The following PDE1A variants were observed in gnomAD, a reference collection of about 807,000 sequenced individuals.
PDE1A encodes the protein dual specificity calcium/calmodulin-dependent 3',5'-cyclic nucleotide phosphodiesterase 1A.
A neutral mutation model predicts 61.7 loss-of-function variants in PDE1A; 35 were observed. The ratio of observed to expected loss-of-function variants is 0.57; its 90% confidence interval spans 0.43 to 0.75. The LOEUF (loss-of-function observed/expected upper bound fraction) is 0.75. Among genes scored for constraint, PDE1A ranks in the 30% least tolerant of loss-of-function variants. The pLI is 0.00. For missense variants in PDE1A, 597 were observed against 630.6 expected (o/e 0.95, Z 0.57); for synonymous variants, 232 against 213.2 (o/e 1.09, Z -0.77).
At chr2:182,324,494 T>A (rs1479256689) in intron 1 of PDE1A, among the ~76,000 whole-genome samples, 1 of 152,088 alleles carries the variant, frequency 6.6e-6, no homozygotes, top group African/African-American at 2.4e-5. Flanking sequence ...TATGAGAAAA[T>A]TAAAAACAGA....
intron 2 of PDE1A, among the ~76,000 whole-genome samples, chr2:182,250,751 C>T (rs1301612827): frequency 6.6e-6 from 1 of 151,956 alleles, no homozygotes; most frequent in South Asian, 2.1e-4. Context: ...CAAATCTTGG[C>T]GTAAATGAGG....
chr2:182,310,884 G>T (rs1695921776), intron 1 of PDE1A, among the ~76,000 whole-genome samples: 1 of 152,168 alleles, frequency 6.6e-6, no homozygotes, highest in Non-Finnish European at 1.5e-5. Flanking sequence ...CCAATAGAGT[G>T]CAGGCAGAAA....
the PDE1A span, among the ~76,000 whole-genome samples, chr2:182,668,253 A>T: frequency 0.64 from 97,427 of 151,832 alleles, 31,759 homozygotes; most frequent in Middle Eastern, 0.78. Flanking sequence ...TCTGAGAAGG[A>T]TGCTGGACAA....
chr2:182,674,910 C>T, the PDE1A span, among the ~76,000 whole-genome samples: 3 of 151,964 alleles, frequency 2.0e-5, no homozygotes, highest in Non-Finnish European at 4.4e-5. Context: ...ATTTAATGGG[C>T]CATTTGATTT....
chr2:182,592,480 G>C, the PDE1A span, among the ~76,000 whole-genome samples: 3 of 152,174 alleles, frequency 2.0e-5, no homozygotes, highest in East Asian at 1.9e-4. Flanking sequence ...ACTTGGTTAC[G>C]TATCTTCCCA....
chr2:182,537,062 C>G, the PDE1A span, among the ~76,000 whole-genome samples: 97,316 of 152,136 alleles, frequency 0.64, 34,569 homozygotes, highest in East Asian at 0.95. Context: ...GCCAGAACCA[C>G]TTAGTTGAAC....
intron 1 of PDE1A, among the ~76,000 whole-genome samples, chr2:182,423,148 T>C (rs1703386144): frequency 6.6e-6 from 1 of 152,192 alleles, no homozygotes; most frequent in South Asian, 2.1e-4. Context: ...ACTCCTGCCT[T>C]GGCCATAAAA....
At chr2:182,632,459 AT>A in the PDE1A span, among the ~76,000 whole-genome samples, 1,555 of 149,032 alleles carry the variant, frequency 0.01, 17 homozygotes, top group South Asian at 0.025. Flanking sequence ...ACTACTTCTC[AT>A]TTTTTTTTTC....
intron 1 of PDE1A, among the ~76,000 whole-genome samples, chr2:182,283,427 A>T (rs1248482996): frequency 4.0e-5 from 6 of 151,858 alleles, no homozygotes; most frequent in Admixed American, 3.9e-4. Context: ...ACATACACAC[A>T]CACACACACA....
downstream of PDE1A, among the ~76,000 whole-genome samples, chr2:182,164,781 A>C (rs1343338747): frequency 3.9e-5 from 6 of 152,130 alleles, no homozygotes; most frequent in Non-Finnish European, 4.4e-5. Flanking sequence ...GACTACTTCC[A>C]TCACAGAAGG....
intron 2 of PDE1A, among the ~76,000 whole-genome samples, chr2:182,462,559 G>A (rs887669883): frequency 1.3e-5 from 2 of 151,898 alleles, no homozygotes; most frequent in African/African-American, 2.4e-5. Flanking sequence ...AAGGAACAGA[G>A]CATGGGCCCT....
At chr2:182,522,368 A>G (rs1426803910) in exon 2 of PDE1A, 2 of 1,613,430 alleles carry the variant, frequency 1.2e-6, no homozygotes, top group East Asian at 4.5e-5. Context: ...CTGTGGCACT[A>G]GACCCCATGA....
Position 182,272,929 on chromosome 2 carries a change from T to C in PDE1A, c.54-8515A>G, listed in dbSNP as rs113989793. 1.1e-3 allele frequency among the ~76,000 whole-genome samples: 169 copies of C among 152,252 alleles called. 1 individual carries two copies. Among genetic ancestry groups the C allele is most frequent in the African/African-American group, 4.0e-3 (165 of 41,574 alleles). The stretch of plus-strand genomic sequence containing the variant: ...AAAGTCATATTACTATAAACACTAG[T>C]AATTTTAAAACAAAATAAGGCACAA... On this transcript the variant is annotated intron_variant, in intron 1 of 13. Coordinates refer to ENST00000351439, the Ensembl canonical transcript of PDE1A.
chr2:182,163,614 G>C (rs541891897), downstream of PDE1A, among the ~76,000 whole-genome samples: 1 of 152,138 alleles, frequency 6.6e-6, no homozygotes, highest in Non-Finnish European at 1.5e-5. Flanking sequence ...GGCCTGTGGA[G>C]ATAACCCTTC....
chr2:182,490,186 CT>C (rs1467062074), intron 2 of PDE1A, among the ~76,000 whole-genome samples: 1 of 152,104 alleles, frequency 6.6e-6, no homozygotes, highest in Non-Finnish European at 1.5e-5. Flanking sequence ...CCATCAATGA[CT>C]TTTAACAACA....
the PDE1A span, among the ~76,000 whole-genome samples, chr2:182,600,041 T>C: frequency 6.6e-6 from 1 of 152,156 alleles, no homozygotes; most frequent in African/African-American, 2.4e-5. Context: ...GAAAAATAAA[T>C]CCTTAAGTAA....
At chr2:182,486,381 T>C (rs550223713) in intron 2 of PDE1A, among the ~76,000 whole-genome samples, 12 of 152,038 alleles carry the variant, frequency 7.9e-5, no homozygotes, top group Non-Finnish European at 1.2e-4. Flanking sequence ...CAAGAATTGA[T>C]CTACAGAAAC....
the PDE1A span, among the ~76,000 whole-genome samples, chr2:182,663,903 T>A: frequency 6.6e-6 from 1 of 152,036 alleles, no homozygotes; most frequent in Non-Finnish European, 1.5e-5. Flanking sequence ...AATTTAAAAT[T>A]TTTGAACATT....
At chr2:182,625,660 A>G in the PDE1A span, among the ~76,000 whole-genome samples, 1 of 152,186 alleles carries the variant, frequency 6.6e-6, no homozygotes, top group East Asian at 1.9e-4. Context: ...TCATGTGGGA[A>G]TAGACTTAGT....
Sources: gnomAD v4.1 joint callset for allele counts (sites outside exome capture counted in the v4.1 genomes callset) on GRCh38, gnomAD v4.1.1 for gene constraint, MANE v1.5 for transcripts, NCBI Gene and HGNC (gene_info 2026-07-23, HGNC 2026-07-21) for gene names.